Variants in NDFIP1 observed in about 807,000 individuals in gnomAD.
NDFIP1 encodes NEDD4 family-interacting protein 1.
Under a neutral mutation model 28.8 loss-of-function variants are expected in NDFIP1, and 7 were observed. The observed-to-expected ratio is 0.24, with a 90% CI of 0.14 to 0.46. The LOEUF is 0.46. Among genes scored for constraint, NDFIP1 ranks in the 20% least tolerant of loss-of-function variants. The pLI is 0.99. For missense variants in NDFIP1, 194 were observed against 269.1 expected, an observed-to-expected ratio of 0.72 and a Z score of 1.95; for synonymous variants, 92 against 101.0, an observed-to-expected ratio of 0.91 and a Z score of 0.53.
chr5:142,142,419 C>T (rs1757341059), intron 6 of NDFIP1, among the ~76,000 whole-genome samples: 2 of 152,036 alleles, frequency 1.3e-5, no homozygotes, highest in Non-Finnish European at 2.9e-5. Context: ...TAAACTGTAC[C>T]TTTAAGAGAA....
intron 7 of NDFIP1, among the ~76,000 whole-genome samples, chr5:142,146,613 T>G (rs185477893): frequency 3.3e-5 from 5 of 152,324 alleles, no homozygotes; most frequent in African/African-American, 1.2e-4. Context: ...TCTTTCTCTT[T>G]TTAAAAAAAG....
At chr5:142,137,610 G>A in intron 4 of NDFIP1, 124 bp from the exon 5 acceptor site, 1 of 1,116,198 alleles carries the variant, frequency 9.0e-7, no homozygotes, top group Non-Finnish European at 1.3e-6. Context: ...GTATGGTGAC[G>A]GTTGTGGAGG....
At chr5:142,127,040 G>C (rs1001314866) in intron 1 of NDFIP1, among the ~76,000 whole-genome samples, 6 of 152,080 alleles carry the variant, frequency 3.9e-5, no homozygotes, top group African/African-American at 1.4e-4. Context: ...TTTTGAGACA[G>C]AATCTCACTT....
intron 6 of NDFIP1, among the ~76,000 whole-genome samples, chr5:142,142,093 C>T (rs911934210): frequency 2.6e-5 from 4 of 152,080 alleles, no homozygotes; most frequent in Non-Finnish European, 4.4e-5. Context: ...ACTATGATGG[C>T]GTCACTGCAC....
intron 3 of NDFIP1, among the ~76,000 whole-genome samples, chr5:142,133,071 GAGCAAGTACAGA>G (rs1165975410): frequency 6.6e-6 from 1 of 152,258 alleles, no homozygotes; most frequent in African/African-American, 2.4e-5. Flanking sequence ...AGTGAGTGAT[GAGCAAGTACAGA>G]AGCCTAGTCT....
At chr5:142,134,352 G>A (rs1054921470) in intron 3 of NDFIP1, among the ~76,000 whole-genome samples, 4 of 152,084 alleles carry the variant, frequency 2.6e-5, no homozygotes, top group African/African-American at 9.7e-5. Context: ...GAATAGTTAT[G>A]CAAAAAACAA....
intron 1 of NDFIP1, among the ~76,000 whole-genome samples, chr5:142,126,531 G>T (rs907314100): frequency 6.6e-6 from 1 of 152,122 alleles, no homozygotes; most frequent in African/African-American, 2.4e-5. Flanking sequence ...TGCTTTGTTT[G>T]TTTGTTTGTA....
At chr5:142,129,644 T>C (rs912010784) in intron 1 of NDFIP1, among the ~76,000 whole-genome samples, 1 of 152,084 alleles carries the variant, frequency 6.6e-6, no homozygotes, top group Non-Finnish European at 1.5e-5. Context: ...TAATGGATTG[T>C]GGCCGGGCAC....
chr5:142,121,781 G>A (rs1757124547), intron 1 of NDFIP1, among the ~76,000 whole-genome samples: 1 of 152,222 alleles, frequency 6.6e-6, no homozygotes, highest in Non-Finnish European at 1.5e-5. Context: ...AAAGTAATAT[G>A]AATACTTTTC....
At chr5:142,147,920 A>G (rs903531814) in intron 7 of NDFIP1, among the ~76,000 whole-genome samples, 5 of 152,238 alleles carry the variant, frequency 3.3e-5, no homozygotes, top group African/African-American at 9.6e-5. Flanking sequence ...GGAATGGCCA[A>G]TCAGAGAACA....
Position 142,124,632 on chromosome 5 carries a change from T to C in NDFIP1, c.64-7176T>C, listed in dbSNP as rs551084639. On this transcript the variant is annotated intron_variant, in intron 1 of 7. Transcript: ENST00000253814. ...GGTATTCTTTTCATCTGTTATTGTA[T>C]TGACTTTTTAAAACATTATTCTGAT... Among the ~76,000 whole-genome samples the C allele has an allele frequency of 7.9e-5, 12 of 152,356 alleles. No homozygotes were observed. The East Asian group carries it at 2.3e-3, about 29-fold the overall frequency.
In NDFIP1 at chr5:142,144,774, T is replaced by C. The variant is rs935453034; in HGVS notation, c.*2+98T>C. The C allele has an allele frequency of 1.4e-5, 10 of 697,052 alleles. No individual in the cohort carries two copies. In the African/African-American group the frequency reaches 1.6e-4, roughly 11 times the overall value. The allele number at this position is 697,052 out of a possible 1,614,324, so 43.2% of individuals were successfully genotyped here. ...AGTAAGTATCTGTGATAGGGGCATA[T>C]AGAGAAAGTAAAGAAGGCACAGTCC... is the stretch of plus-strand genomic sequence containing the variant. On this transcript the variant is annotated intron_variant, in intron 7 of 7. Coordinates refer to ENST00000253814, the MANE Select transcript of NDFIP1 (RefSeq NM_030571.4).
At chr5:142,139,337 C>T (rs762725890) in intron 5 of NDFIP1, among the ~76,000 whole-genome samples, 13 of 151,008 alleles carry the variant, frequency 8.6e-5, no homozygotes, top group Non-Finnish European at 1.3e-4. Context: ...TTTTTTTAAA[C>T]GGGGAAATTT....
chr5:142,126,356 T>C (rs1757169865), intron 1 of NDFIP1, among the ~76,000 whole-genome samples: 2 of 152,212 alleles, frequency 1.3e-5, no homozygotes, highest in African/African-American at 4.8e-5. Flanking sequence ...GTTCAAGCAT[T>C]GACCCAGAAT....
At chr5:142,149,724 T>G (rs1381212751) in intron 7 of NDFIP1, among the ~76,000 whole-genome samples, 1 of 152,194 alleles carries the variant, frequency 6.6e-6, no homozygotes, top group Non-Finnish European at 1.5e-5. Flanking sequence ...TTTTAATGTT[T>G]GTTGGGTGTC....
chr5:142,148,077 A>T (rs1263856380), intron 7 of NDFIP1, among the ~76,000 whole-genome samples: 1 of 152,244 alleles, frequency 6.6e-6, no homozygotes, highest in Non-Finnish European at 1.5e-5. Context: ...CCAGAAAGAT[A>T]CAGATACAGA....
At chr5:142,146,860 A>G (rs564066065) in intron 7 of NDFIP1, among the ~76,000 whole-genome samples, 2 of 149,820 alleles carry the variant, frequency 1.3e-5, no homozygotes, top group South Asian at 2.1e-4. Flanking sequence ...TTTTGTTGTT[A>G]TTGTTTGGAT....
intron 7 of NDFIP1, among the ~76,000 whole-genome samples, chr5:142,147,959 C>T (rs1302341624): frequency 6.6e-6 from 1 of 152,038 alleles, no homozygotes; most frequent in Non-Finnish European, 1.5e-5. Flanking sequence ...GTCAGTGTTC[C>T]CAAAAGCTTT....
chr5:142,151,210 G>T (rs990816739), intron 7 of NDFIP1, among the ~76,000 whole-genome samples: 2 of 152,188 alleles, frequency 1.3e-5, no homozygotes, highest in African/African-American at 4.8e-5. Flanking sequence ...AGTATTTGTG[G>T]TACCTGTGAG....
Sources: gnomAD v4.1 joint callset for allele counts (sites outside exome capture counted in the v4.1 genomes callset) on GRCh38, gnomAD v4.1.1 for gene constraint, MANE v1.5 for transcripts, NCBI Gene and HGNC (gene_info 2026-07-23, HGNC 2026-07-21) for gene names.